FHIT: variants seen among roughly 807,000 people sequenced by gnomAD.
The protein encoded by FHIT is bis(5'-adenosyl)-triphosphatase.
In FHIT, 19 loss-of-function variants were observed where a neutral mutation model predicts 17.9. The observed-to-expected ratio is 1.06, with a 90% confidence interval of 0.74 to 1.56. FHIT has a LOEUF of 1.56. Ranked by LOEUF, FHIT falls within the 40% of genes most tolerant of loss-of-function variation. The probability of loss-of-function intolerance (pLI) is 0.00; values close to 1 mark genes in which losing one functional copy is unlikely to be tolerated. For synonymous variants in FHIT, 81 were observed against 69.7 expected (o/e 1.16, Z -0.81); for missense variants, 248 against 189.2 (o/e 1.31, Z -1.82).
intron 4 of FHIT, among the ~76,000 whole-genome samples, chr3:60,542,158 A>G (rs2036206959): frequency 6.6e-6 from 1 of 152,202 alleles, no homozygotes; most frequent in South Asian, 2.1e-4. Flanking sequence ...GTATTCTCTC[A>G]ACATTGTTTT....
At chr3:59,794,337 C>T (rs905328244) in intron 8 of FHIT, among the ~76,000 whole-genome samples, 1 of 152,182 alleles carries the variant, frequency 6.6e-6, no homozygotes, top group Non-Finnish European at 1.5e-5. Flanking sequence ...CGAACATTAC[C>T]ACAACTCAAA....
chr3:60,315,506 GT>G (rs1709124548), intron 5 of FHIT, among the ~76,000 whole-genome samples: 1 of 152,116 alleles, frequency 6.6e-6, no homozygotes. Flanking sequence ...TGATAGACAA[GT>G]TTTGTCAGTT....
chr3:60,792,063 G>C (rs1700796612), intron 4 of FHIT, among the ~76,000 whole-genome samples: 1 of 152,230 alleles, frequency 6.6e-6, no homozygotes. Context: ...GTGGTCCAGA[G>C]GATCTGGCAA....
chr3:60,892,723 G>C (rs1353197076), intron 3 of FHIT, among the ~76,000 whole-genome samples: 1 of 152,148 alleles, frequency 6.6e-6, no homozygotes, highest in Non-Finnish European at 1.5e-5. Flanking sequence ...ATGCCCTACA[G>C]TAGAGTGAAA....
chr3:60,035,066 A>C (rs1701157912), intron 5 of FHIT, among the ~76,000 whole-genome samples: 1 of 152,162 alleles, frequency 6.6e-6, no homozygotes, highest in African/African-American at 2.4e-5. Flanking sequence ...AGAGCACTGA[A>C]TATATAAACC....
intron 5 of FHIT, among the ~76,000 whole-genome samples, chr3:60,525,771 C>T (rs952008459): frequency 1.3e-5 from 2 of 152,242 alleles, no homozygotes; most frequent in East Asian, 1.9e-4. Context: ...GCTATGCTAG[C>T]GTTAAAGGCA....
intron 5 of FHIT, among the ~76,000 whole-genome samples, chr3:60,298,376 A>T (rs766323750): frequency 1.3e-5 from 2 of 152,074 alleles, no homozygotes; most frequent in African/African-American, 2.4e-5. Flanking sequence ...ACCAGTTATC[A>T]TATTAGCATT....
At chr3:60,469,375 A>G (rs1468774319) in intron 5 of FHIT, among the ~76,000 whole-genome samples, 1 of 151,568 alleles carries the variant, frequency 6.6e-6, no homozygotes, top group Non-Finnish European at 1.5e-5. Context: ...CTGACTGTGT[A>G]TTTTCAAACA....
At position 60,312,658 on chromosome 3, in the gene FHIT, C is replaced by T. The variant is rs569500115; in HGVS notation, c.103+224202G>A. Among the ~76,000 whole-genome samples, 6 of 152,246 alleles carry T rather than the reference C, an allele frequency of 3.9e-5. 1 individual carries two copies. In the South Asian group the frequency reaches 1.2e-3, roughly 32 times the overall value. ...AGGTTCCTAGGGGAGATCTAAGCTG[C>T]TCCTGCCAGCCTATCAACTACCTTT... On this transcript the variant is annotated intron_variant, in intron 5 of 9. Transcript: ENST00000492590.
At chr3:59,904,290 C>CA (rs1704480563) in intron 8 of FHIT, among the ~76,000 whole-genome samples, 1 of 139,972 alleles carries the variant, frequency 7.1e-6, no homozygotes, top group Non-Finnish European at 1.5e-5. Context: ...AAACTTGTGC[C>CA]ATAAAATTCA....
chr3:60,770,154 A>G (rs576834266), intron 4 of FHIT, among the ~76,000 whole-genome samples: 3 of 152,318 alleles, frequency 2.0e-5, no homozygotes, highest in Admixed American at 6.5e-5. Flanking sequence ...AGCAACCCCA[A>G]ATGAGCAGAA....
intron 5 of FHIT, among the ~76,000 whole-genome samples, chr3:60,321,465 A>AC (rs1286797329): frequency 6.7e-6 from 1 of 150,130 alleles, no homozygotes; most frequent in African/African-American, 2.5e-5. Flanking sequence ...ACAGATCAAG[A>AC]CTAGGTCTCA....
chr3:60,873,005 C>A (rs1252609886), intron 3 of FHIT, among the ~76,000 whole-genome samples: 2 of 152,094 alleles, frequency 1.3e-5, no homozygotes, highest in Non-Finnish European at 2.9e-5. Context: ...GACTATAACT[C>A]TTGCGTTCTT....
chr3:60,843,416 A>G (rs1420935898), intron 3 of FHIT, among the ~76,000 whole-genome samples: 1 of 152,194 alleles, frequency 6.6e-6, no homozygotes. Context: ...CACCACTATA[A>G]ATAGTTTCTT....
At chr3:60,325,473 A>T (rs1420478746) in intron 5 of FHIT, among the ~76,000 whole-genome samples, 1 of 152,206 alleles carries the variant, frequency 6.6e-6, no homozygotes, top group African/African-American at 2.4e-5. Flanking sequence ...TTTTGTTTTC[A>T]ATTTGTTTTT....
chr3:60,688,426 G>GTTT lies in FHIT; in HGVS notation c.-18+133490_-18+133492dup, dbSNP rs1395823139. Among the ~76,000 whole-genome samples the GTTT allele has an allele frequency of 4.5e-5, 6 of 133,530 alleles. No individual in the cohort carries two copies. The South Asian group carries it at 7.4e-4, about 16-fold the overall frequency. 87.6% of individuals were successfully genotyped at this position (133,530 alleles called of 152,430 possible). A position where few individuals can be genotyped will look rare whatever the true frequency, so the allele number is the denominator to read the frequency against. On this transcript the variant is annotated intron_variant, in intron 4 of 9. Transcript: ENST00000492590. ...ACTATTTGGTCAAATTATGTTTTGT[G>GTTT]TTTTTTTTTTTGTTTTTTTTTTTAG...
At chr3:60,524,197 G>GACACAC (rs56975783) in intron 5 of FHIT, among the ~76,000 whole-genome samples, 66 of 144,992 alleles carry the variant, frequency 4.6e-4, no homozygotes, top group African/African-American at 1.6e-3. Context: ...GTCAGCCTGA[G>GACACAC]ACACACACAC....
chr3:60,730,166 TG>T, intron 4 of FHIT: 1 of 425,356 alleles, frequency 2.4e-6, no homozygotes, highest in South Asian at 2.0e-5. Context: ...CTGTTTGTGT[TG>T]TCACTAATGG....
intron 1 of FHIT, among the ~76,000 whole-genome samples, chr3:61,228,252 A>G (rs1036120696): frequency 5.3e-5 from 8 of 152,178 alleles, no homozygotes; most frequent in Admixed American, 2.0e-4. Flanking sequence ...AAGAGCTAAA[A>G]TCCCTGTATG....
Sources: allele counts gnomAD v4.1 joint callset (sites outside exome capture counted in the v4.1 genomes callset), GRCh38; gene constraint gnomAD v4.1.1; transcripts MANE v1.5; gene names NCBI Gene and HGNC (gene_info 2026-07-23, HGNC 2026-07-21).